SHISA9: variants seen among roughly 807,000 people sequenced by gnomAD.
The protein encoded by SHISA9 is protein shisa-9.
SHISA9 carries 13 observed loss-of-function variants against 38.0 expected under a neutral mutation model. The ratio of observed to expected loss-of-function variants is 0.34; its 90% CI spans 0.22 to 0.54. The LOEUF is 0.54. Ranked by LOEUF, SHISA9 falls within the 20% of genes least tolerant of loss-of-function variation. The pLI is 0.91. For missense variants in SHISA9, 538 were observed against 575.8 expected (o/e 0.93, Z 0.67); for synonymous variants, 275 against 242.0 (o/e 1.14, Z -1.27).
At chr16:12,937,580 T>G (rs907554243) in intron 2 of SHISA9, among the ~76,000 whole-genome samples, 1 of 152,188 alleles carries the variant, frequency 6.6e-6, no homozygotes, top group African/African-American at 2.4e-5. Context: ...ACCAAGTCCA[T>G]CAGGGACAGT....
chr16:13,359,921 C>G, the SHISA9 span, among the ~76,000 whole-genome samples: 3 of 152,164 alleles, frequency 2.0e-5, no homozygotes, highest in Non-Finnish European at 4.4e-5. Context: ...GCTGGTCCCC[C>G]AAGACTCAAG....
the SHISA9 span, among the ~76,000 whole-genome samples, chr16:13,532,841 T>C: frequency 9.3e-3 from 1,414 of 152,246 alleles, 21 homozygotes; most frequent in African/African-American, 0.032. Flanking sequence ...CCTGGATCAC[T>C]GTCTTCCTGT....
At chr16:13,495,533 A>G in the SHISA9 span, among the ~76,000 whole-genome samples, 1 of 152,134 alleles carries the variant, frequency 6.6e-6, no homozygotes, top group Admixed American at 6.6e-5. Flanking sequence ...TTTCTGGTTA[A>G]TGGGATAATG....
At chr16:13,001,401 G>A (rs115961277) in intron 2 of SHISA9, among the ~76,000 whole-genome samples, 1,972 of 152,178 alleles carry the variant, frequency 0.013, 39 homozygotes, top group African/African-American at 0.044. Context: ...TGTTACTCCC[G>A]GTGTTTCTTC....
At chr16:13,019,961 C>CCTTCCT (rs2072828866) in intron 2 of SHISA9, among the ~76,000 whole-genome samples, 5 of 33,032 alleles carry the variant, frequency 1.5e-4, no homozygotes, top group Admixed American at 3.6e-4. Flanking sequence ...CTTTCTTTCC[C>CCTTCCT]TCCTTCTTTC....
the SHISA9 span, among the ~76,000 whole-genome samples, chr16:13,387,673 A>G: frequency 1.3e-5 from 2 of 152,136 alleles, no homozygotes; most frequent in African/African-American, 4.8e-5. Flanking sequence ...TATTTTTAGT[A>G]GAGACAATGT....
At chr16:13,003,901 G>T (rs574117948) in intron 2 of SHISA9, among the ~76,000 whole-genome samples, 3,193 of 150,108 alleles carry the variant, frequency 0.021, 47 homozygotes, top group East Asian at 0.036. Context: ...AGAAGAAGAA[G>T]AAGAAGAAGT....
At chr16:13,551,095 G>A in the SHISA9 span, among the ~76,000 whole-genome samples, 1 of 150,232 alleles carries the variant, frequency 6.7e-6, no homozygotes, top group Admixed American at 6.6e-5. Flanking sequence ...CTGCACTCCA[G>A]CCTGGGCGAC....
the SHISA9 span, among the ~76,000 whole-genome samples, chr16:13,452,338 G>C: frequency 6.6e-6 from 1 of 152,184 alleles, no homozygotes; most frequent in Non-Finnish European, 1.5e-5. Flanking sequence ...ATGCAAGAAA[G>C]AGCCTCAAAC....
chr16:13,332,255 A>G, the SHISA9 span, among the ~76,000 whole-genome samples: 6 of 152,164 alleles, frequency 3.9e-5, no homozygotes, highest in Non-Finnish European at 8.8e-5. Context: ...AAGATGTGAG[A>G]CTTTCAGTGC....
the SHISA9 span, among the ~76,000 whole-genome samples, chr16:13,371,933 C>G: frequency 1.3e-5 from 2 of 152,242 alleles, no homozygotes; most frequent in African/African-American, 2.4e-5. Flanking sequence ...GTCACAGCAG[C>G]TGCCTAGGCA....
chr16:13,419,673 T>C, the SHISA9 span, among the ~76,000 whole-genome samples: 1 of 152,178 alleles, frequency 6.6e-6, no homozygotes, highest in African/African-American at 2.4e-5. Context: ...GTTGGCCAGA[T>C]AGTAAGTACT....
chr16:13,396,789 G>T, the SHISA9 span, among the ~76,000 whole-genome samples: 1 of 152,082 alleles, frequency 6.6e-6, no homozygotes, highest in East Asian at 1.9e-4. Flanking sequence ...CAGTCCTCAA[G>T]GAGTCTTTCC....
chr16:13,404,617 G>GCCCTC, the SHISA9 span, among the ~76,000 whole-genome samples: 11 of 152,198 alleles, frequency 7.2e-5, no homozygotes, highest in East Asian at 2.1e-3. Context: ...TGCAGAGATG[G>GCCCTC]GTAGGGATAT....
At chr16:13,194,981 C>A (rs994417198) in intron 2 of SHISA9, among the ~76,000 whole-genome samples, 4 of 152,156 alleles carry the variant, frequency 2.6e-5, no homozygotes, top group Non-Finnish European at 5.9e-5. Context: ...TTGGAGACAT[C>A]AGGATGACTT....
intron 2 of SHISA9, among the ~76,000 whole-genome samples, chr16:13,159,107 C>G (rs377284648): frequency 6.7e-6 from 1 of 150,356 alleles, no homozygotes; most frequent in African/African-American, 2.4e-5. Flanking sequence ...GAAAACCCAG[C>G]AAAAACACAA....
chr16:13,379,501 C>T, the SHISA9 span, among the ~76,000 whole-genome samples: 3 of 152,308 alleles, frequency 2.0e-5, no homozygotes, highest in South Asian at 4.1e-4. Context: ...CAGCTTCTGG[C>T]TGCTTCTAGG....
the SHISA9 span, among the ~76,000 whole-genome samples, chr16:13,549,838 C>T: frequency 6.6e-6 from 1 of 151,976 alleles, no homozygotes; most frequent in Non-Finnish European, 1.5e-5. Flanking sequence ...GCCTGGCCAA[C>T]AAGGTGAAAC....
Position 12,902,475 on chromosome 16 carries a change from C to T in SHISA9, c.411C>T (p.Arg137=). 1 of 1,551,504 alleles carries T rather than the reference C, an allele frequency of 6.4e-7. No homozygotes were observed. Among genetic ancestry groups the T allele is most frequent in the East Asian group, 2.4e-5 (1 of 40,908 alleles). ...LWLNTGKPPA[R]KDDPLHDPTK... is the part of the protein sequence containing the mutation. ...TCAACACCGGCAAGCCCCCCGCCCG[C>T]AAGGACGACCCCTTGCACGACCCCA... is the stretch of plus-strand genomic sequence containing the variant. The change falls in exon 1 of 5, where the codon CGC becomes CGT. Residue 137 remains arginine (R), a synonymous_variant. Transcript: ENST00000558583.
Sources: allele counts gnomAD v4.1 joint callset (sites outside exome capture counted in the v4.1 genomes callset), GRCh38; gene constraint gnomAD v4.1.1; transcripts MANE v1.5; gene names NCBI Gene and HGNC (gene_info 2026-07-23, HGNC 2026-07-21).